LHFPL3: variants seen among roughly 807,000 people sequenced by gnomAD.
The protein encoded by LHFPL3 is LHFPL tetraspan subfamily member 3.
Under a neutral mutation model 19.3 loss-of-function variants are expected in LHFPL3, and 5 were observed. The observed-to-expected ratio is 0.26, with a 90% confidence interval of 0.14 to 0.54. LHFPL3 has a LOEUF of 0.54. Ranked by LOEUF, LHFPL3 falls within the 20% of genes least tolerant of loss-of-function variation. The pLI is 0.94. For missense variants in LHFPL3, 249 were observed against 307.4 expected (o/e 0.81, Z 1.42); for synonymous variants, 133 against 126.2 (o/e 1.05, Z -0.36).
intron 1 of LHFPL3, among the ~76,000 whole-genome samples, chr7:104,337,133 A>T (rs899576851): frequency 1.3e-5 from 2 of 152,212 alleles, no homozygotes; most frequent in East Asian, 3.9e-4. Flanking sequence ...GCAAAATCGA[A>T]ATGGGAAATG....
Position 104,392,709 on chromosome 7 carries a change from T to C in LHFPL3, c.445+63485T>C, listed in dbSNP as rs572477739. 2.7e-3 allele frequency among the ~76,000 whole-genome samples: 407 copies of C among 152,294 alleles called. 1 individual carries two copies. Among genetic ancestry groups the C allele is most frequent in the African/African-American group, 9.2e-3 (384 of 41,564 alleles). Reference sequence around the variant, plus strand: ...GATGATGCTGGCCTCATAAAATGAGTTAGGGAGGATTCCCTTTTTTTCTAT... The same window carrying C: ...GATGATGCTGGCCTCATAAAATGAGCTAGGGAGGATTCCCTTTTTTTCTAT... On this transcript the variant is annotated intron_variant, in intron 1 of 2. Transcript: ENST00000424859.
intron 2 of LHFPL3, among the ~76,000 whole-genome samples, chr7:104,831,975 C>T (rs953556780): frequency 6.6e-6 from 1 of 151,924 alleles, no homozygotes; most frequent in African/African-American, 2.4e-5. Flanking sequence ...AGCCACTTTC[C>T]CTGATTAGTC....
At chr7:104,824,543 TTA>T (rs1165787547) in intron 2 of LHFPL3, among the ~76,000 whole-genome samples, 1 of 73,800 alleles carries the variant, frequency 1.4e-5, no homozygotes, top group South Asian at 3.7e-4. Context: ...ATATATATAA[TTA>T]TATATAATAT....
In LHFPL3 at chr7:104,637,394, A is replaced by G. The variant is rs117632431; in HGVS notation, c.446-99281A>G. Among the ~76,000 whole-genome samples, 684 of 152,256 alleles carry G rather than the reference A, an allele frequency of 4.5e-3. 41 individuals carry two copies. In the East Asian group the frequency reaches 0.11, roughly 25 times the overall value. On this transcript the variant is annotated intron_variant, in intron 1 of 2. Transcript: ENST00000424859. ...AAGCTCTTTAGTTTAATTAGATCCT[A>G]TTTGTTAATTCTTGCTTTTGTTGCA...
chr7:104,605,539 A>T (rs1791077537), intron 1 of LHFPL3, among the ~76,000 whole-genome samples: 1 of 152,206 alleles, frequency 6.6e-6, no homozygotes, highest in Admixed American at 6.5e-5. Flanking sequence ...ATTTATTAGC[A>T]TGTACTTAAA....
chr7:104,502,220 G>A (rs941150569), intron 1 of LHFPL3, among the ~76,000 whole-genome samples: 6 of 152,108 alleles, frequency 3.9e-5, no homozygotes, highest in African/African-American at 1.2e-4. Flanking sequence ...TATGTTACAT[G>A]AGGAAGCAAA....
At chr7:104,599,927 C>G (rs1459172521) in intron 1 of LHFPL3, among the ~76,000 whole-genome samples, 1 of 152,136 alleles carries the variant, frequency 6.6e-6, no homozygotes, top group Non-Finnish European at 1.5e-5. Flanking sequence ...TTTTTAAAGG[C>G]CCTAAACTTC....
chr7:104,558,050 T>C (rs1789887616), intron 1 of LHFPL3, among the ~76,000 whole-genome samples: 1 of 149,636 alleles, frequency 6.7e-6, no homozygotes, highest in Admixed American at 6.6e-5. Flanking sequence ...GGTGTATATG[T>C]GCCACATTTT....
intron 1 of LHFPL3, among the ~76,000 whole-genome samples, chr7:104,561,477 C>A (rs1019599196): frequency 1.3e-5 from 2 of 150,024 alleles, no homozygotes; most frequent in African/African-American, 2.5e-5. Flanking sequence ...GGTTTAAAGT[C>A]TGTTTTATCA....
intron 1 of LHFPL3, among the ~76,000 whole-genome samples, chr7:104,514,816 T>C (rs187513524): frequency 9.8e-5 from 15 of 152,306 alleles, no homozygotes; most frequent in African/African-American, 2.9e-4. Flanking sequence ...TGATTGAATA[T>C]GCAAAGTTAA....
chr7:104,622,411 C>G (rs1223014176), intron 1 of LHFPL3, among the ~76,000 whole-genome samples: 2 of 152,132 alleles, frequency 1.3e-5, no homozygotes, highest in Admixed American at 6.5e-5. Flanking sequence ...CTGCTCCCAG[C>G]CTTTAAAAAA....
At chr7:104,873,603 G>C (rs555831965) in intron 2 of LHFPL3, among the ~76,000 whole-genome samples, 1 of 152,262 alleles carries the variant, frequency 6.6e-6, no homozygotes, top group South Asian at 2.1e-4. Context: ...ACTCCAGCCT[G>C]GGTAACAGAG....
At chr7:104,623,706 A>G (rs1791493548) in intron 1 of LHFPL3, among the ~76,000 whole-genome samples, 1 of 139,578 alleles carries the variant, frequency 7.2e-6, no homozygotes. Flanking sequence ...GCTGTGAGAA[A>G]GTCCAAACAG....
chr7:104,421,540 G>T (rs1486958685), intron 1 of LHFPL3, among the ~76,000 whole-genome samples: 2 of 152,168 alleles, frequency 1.3e-5, no homozygotes, highest in Non-Finnish European at 2.9e-5. Context: ...TTTTCCTGCA[G>T]CATCTTGAAC....
chr7:104,888,173 T>A (rs995136571), intron 2 of LHFPL3, among the ~76,000 whole-genome samples: 1 of 152,198 alleles, frequency 6.6e-6, no homozygotes, highest in Non-Finnish European at 1.5e-5. Context: ...TTTGTTTTCA[T>A]GTTTGGACAT....
intron 1 of LHFPL3, among the ~76,000 whole-genome samples, chr7:104,530,680 G>A (rs116480394): frequency 0.01 from 1,562 of 152,244 alleles, 22 homozygotes; most frequent in African/African-American, 0.036. Flanking sequence ...CATATTTTGG[G>A]TAATAAATTA....
chr7:104,419,171 A>C (rs375680178), intron 1 of LHFPL3, among the ~76,000 whole-genome samples: 5 of 152,116 alleles, frequency 3.3e-5, no homozygotes, highest in African/African-American at 1.2e-4. Flanking sequence ...ACTCCAAGGT[A>C]TATTGGTAAA....
chr7:104,793,376 C>T (rs1790059915), intron 2 of LHFPL3, among the ~76,000 whole-genome samples: 1 of 152,136 alleles, frequency 6.6e-6, no homozygotes, highest in Non-Finnish European at 1.5e-5. Context: ...GAAAGGCTAG[C>T]TTTGCGTTAC....
chr7:104,450,789 T>G (rs1286032659), intron 1 of LHFPL3, among the ~76,000 whole-genome samples: 1 of 152,140 alleles, frequency 6.6e-6, no homozygotes, highest in East Asian at 1.9e-4. Flanking sequence ...TCTAATGTGA[T>G]CTTTAAAATA....
Sources: allele counts gnomAD v4.1 joint callset (sites outside exome capture counted in the v4.1 genomes callset), GRCh38; gene constraint gnomAD v4.1.1; transcripts MANE v1.5; gene names NCBI Gene and HGNC (gene_info 2026-07-23, HGNC 2026-07-21).